Variants in NUCB2 observed in about 807,000 individuals in gnomAD.
The protein encoded by NUCB2 is nucleobindin 2, also known as nucleobindin-2.
A neutral mutation model predicts 57.9 loss-of-function variants in NUCB2; 48 were observed. The ratio of observed to expected loss-of-function variants is 0.83; its 90% CI spans 0.66 to 1.05. The LOEUF is 1.05. NUCB2 is among the 50% of genes least tolerant of loss of function. The pLI is 0.00. For missense variants in NUCB2, 442 were observed against 476.2 expected, an observed-to-expected ratio of 0.93 and a Z score of 0.67; for synonymous variants, 139 against 152.1, an observed-to-expected ratio of 0.91 and a Z score of 0.64.
intron 2 of NUCB2, among the ~76,000 whole-genome samples, chr11:17,283,998 T>A (rs1475344151): frequency 6.6e-6 from 1 of 152,186 alleles, no homozygotes. Context: ...CTTAACTTAT[T>A]TAGCCACACC....
chr11:17,312,807 A>G (rs1948696174), intron 10 of NUCB2, among the ~76,000 whole-genome samples: 1 of 151,802 alleles, frequency 6.6e-6, no homozygotes, highest in South Asian at 2.1e-4. Context: ...CCCGGGTTCA[A>G]GTGATTCTCT....
intron 5 of NUCB2, among the ~76,000 whole-genome samples, chr11:17,306,061 A>G (rs890461785): frequency 2.0e-5 from 3 of 152,212 alleles, no homozygotes; most frequent in Non-Finnish European, 4.4e-5. Context: ...TAAAATCATA[A>G]AAGTACTATG....
intron 3 of NUCB2, 141 bp downstream of exon 3, chr11:17,295,608 A>G: frequency 1.5e-6 from 1 of 684,902 alleles, no homozygotes; most frequent in South Asian, 1.8e-5. Context: ...AATATTTATT[A>G]CTTATAAAAT....
chr11:17,314,683 CA>C (rs1198238006), intron 10 of NUCB2, among the ~76,000 whole-genome samples: 1 of 152,144 alleles, frequency 6.6e-6, no homozygotes, highest in Non-Finnish European at 1.5e-5. Context: ...CCCTTTAAGC[CA>C]AAAACTCTGA....
chr11:17,338,011 A>T (rs887090001), intron 2 of NUCB2, among the ~76,000 whole-genome samples: 16 of 152,194 alleles, frequency 1.1e-4, no homozygotes, highest in African/African-American at 3.6e-4. Context: ...TAATTTATTT[A>T]AAAAATGAGT....
rs531371584 is a variant in NUCB2 at position 17,331,343 on chromosome 11, T to C, written c.1256-69T>C. 9.8e-5 allele frequency: 85 copies of C among 866,018 alleles called. No individual in the cohort carries two copies. In the African/African-American group the frequency reaches 1.5e-3, roughly 15 times the overall value. 53.6% of individuals were successfully genotyped at this position (866,018 alleles called of 1,614,324 possible). On this transcript the variant is annotated intron_variant, in intron 13 of 13. Coordinates refer to ENST00000529010, the MANE Select transcript of NUCB2 (RefSeq NM_005013.4). ...ATATTTTTTAAAACAAGTATATTTGTATATGAAGGAACATTTAGAATAAAG... is the reference window on the plus strand; with the variant it reads ...ATATTTTTTAAAACAAGTATATTTGCATATGAAGGAACATTTAGAATAAAG...
chr11:17,345,112 G>A (rs10832770), intron 2 of NUCB2, among the ~76,000 whole-genome samples: 34,328 of 152,000 alleles, frequency 0.23, 4,771 homozygotes, highest in East Asian at 0.51. Context: ...GATGGAAAAT[G>A]TGTGTAAGCT....
At chr11:17,291,683 G>A (rs970007339) in intron 2 of NUCB2, among the ~76,000 whole-genome samples, 2 of 151,908 alleles carry the variant, frequency 1.3e-5, no homozygotes, top group African/African-American at 2.4e-5. Flanking sequence ...TGAAATGTAA[G>A]TCTGACAATC....
intron 2 of NUCB2, among the ~76,000 whole-genome samples, chr11:17,285,044 T>C (rs564161885): frequency 6.6e-5 from 10 of 151,994 alleles, no homozygotes; most frequent in Admixed American, 6.6e-4. Flanking sequence ...CATACATACT[T>C]ATAATAGGTT....
chr11:17,305,315 CTG>C (rs1425446089), intron 5 of NUCB2, among the ~76,000 whole-genome samples: 8 of 151,916 alleles, frequency 5.3e-5, no homozygotes, highest in Admixed American at 2.6e-4. Context: ...CAGAGTGAGA[CTG>C]TGTCTCAAAA....
chr11:17,342,295 G>GT (rs1216082700), intron 2 of NUCB2, among the ~76,000 whole-genome samples: 2 of 152,178 alleles, frequency 1.3e-5, no homozygotes, highest in Non-Finnish European at 2.9e-5. Context: ...TTTTTGAAGG[G>GT]TTTTTTGTGT....
At chr11:17,299,065 T>G (rs1035102426) in intron 4 of NUCB2, among the ~76,000 whole-genome samples, 3 of 152,192 alleles carry the variant, frequency 2.0e-5, no homozygotes, top group Non-Finnish European at 4.4e-5. Context: ...TTCCCAAACA[T>G]TCCCTAACTG....
Position 17,315,445 on chromosome 11 carries a change from A to G in NUCB2, c.972A>G (p.Lys324=), listed in dbSNP as rs199980525. 196 of 1,612,070 alleles carry G rather than the reference A, an allele frequency of 1.2e-4. 1 individual carries two copies. Among genetic ancestry groups the G allele is most frequent in the Middle Eastern group, 1.7e-4 (1 of 6,054 alleles). The stretch of plus-strand genomic sequence containing the variant: ...AGGAGTTTTTGAAAGCCACAGAAAA[A>G]AAAGAATTCTTGGAGCCAGATAGCT... The part of the protein sequence containing the change: ...TLEEFLKATE[K]KEFLEPDSWE... Residue 324 remains lysine, a synonymous_variant, in exon 11 of 14, where the codon AAA becomes AAG. Transcript: ENST00000529010.
intron 2 of NUCB2, among the ~76,000 whole-genome samples, chr11:17,345,251 T>C (rs1056281873): frequency 1.3e-5 from 2 of 152,158 alleles, no homozygotes; most frequent in South Asian, 4.1e-4. Flanking sequence ...AAACCAGTGC[T>C]GTGTAATCCA....
chr11:17,320,756 C>T (rs1015123846), intron 11 of NUCB2, among the ~76,000 whole-genome samples: 1 of 152,006 alleles, frequency 6.6e-6, no homozygotes, highest in Admixed American at 6.6e-5. Flanking sequence ...TTTTTCCTCC[C>T]CGTTCTGTGG....
At chr11:17,325,970 C>T (rs1441168892) in intron 11 of NUCB2, among the ~76,000 whole-genome samples, 2 of 151,958 alleles carry the variant, frequency 1.3e-5, no homozygotes, top group Non-Finnish European at 2.9e-5. Flanking sequence ...TTAACTTCAT[C>T]CCCCTGCTTT....
At chr11:17,342,563 G>A (rs1451046573) in intron 2 of NUCB2, among the ~76,000 whole-genome samples, 2 of 150,310 alleles carry the variant, frequency 1.3e-5, no homozygotes, top group African/African-American at 2.5e-5. Flanking sequence ...CCTTCATTTC[G>A]TTATGTACCC....
downstream of NUCB2, chr11:17,334,009 A>C (rs1174404960): frequency 2.0e-5 from 3 of 152,190 alleles, no homozygotes; most frequent in Non-Finnish European, 2.9e-5. Context: ...TCTCTGTGGC[A>C]GGAAGTCTCA....
chr11:17,324,792 T>TTATG (rs1950460242), intron 11 of NUCB2, among the ~76,000 whole-genome samples: 1 of 87,518 alleles, frequency 1.1e-5, no homozygotes, highest in Non-Finnish European at 2.9e-5. Context: ...ATTTATTTAT[T>TTATG]TATTTATTTA....
Sources: gnomAD v4.1 joint callset for allele counts (sites outside exome capture counted in the v4.1 genomes callset) on GRCh38, gnomAD v4.1.1 for gene constraint, MANE v1.5 for transcripts, NCBI Gene and HGNC (gene_info 2026-07-23, HGNC 2026-07-21) for gene names.